Variants in RUNX1 observed in about 807,000 individuals in gnomAD.
RUNX1 encodes RUNX family transcription factor 1, also known as runt-related transcription factor 1.
In RUNX1, 19 loss-of-function variants were observed where a neutral mutation model predicts 42.8. The observed-to-expected ratio is 0.44, with a 90% CI of 0.31 to 0.65. RUNX1 has a LOEUF of 0.65. Among genes scored for constraint, RUNX1 ranks in the 30% least tolerant of loss-of-function variants. RUNX1 has a pLI of 0.07. For missense variants in RUNX1, 528 were observed against 672.0 expected, an observed-to-expected ratio of 0.79 and a Z score of 2.37; for synonymous variants, 271 against 289.4, an observed-to-expected ratio of 0.94 and a Z score of 0.64.
intron 7 of RUNX1, among the ~76,000 whole-genome samples, chr21:34,830,490 G>C (rs2057048097): frequency 6.6e-6 from 1 of 152,200 alleles, no homozygotes. Context: ...AGAATGCCAA[G>C]TGAGTGGATA....
intron 2 of RUNX1, among the ~76,000 whole-genome samples, chr21:34,941,516 G>T (rs1322988195): frequency 3.3e-5 from 5 of 152,176 alleles, no homozygotes; most frequent in Admixed American, 1.3e-4. Flanking sequence ...ACAAACATGG[G>T]ACCAAAGAAA....
intron 2 of RUNX1, among the ~76,000 whole-genome samples, chr21:34,937,495 A>G (rs2146618936): frequency 6.6e-6 from 1 of 152,250 alleles, no homozygotes; most frequent in South Asian, 2.1e-4. Flanking sequence ...ACTTAATAAT[A>G]AATTAAATAA....
chr21:34,829,734 T>A (rs1265199780), intron 7 of RUNX1: 1 of 152,236 alleles, frequency 6.6e-6, no homozygotes. Flanking sequence ...ACTTTCAAGG[T>A]AATCAAATAG....
At chr21:35,042,597 C>T (rs1054480462) in intron 2 of RUNX1, among the ~76,000 whole-genome samples, 27 of 152,220 alleles carry the variant, frequency 1.8e-4, no homozygotes, top group Non-Finnish European at 3.4e-4. Context: ...GGCTTCCCTT[C>T]CTGAATAAAA....
intron 2 of RUNX1, among the ~76,000 whole-genome samples, chr21:34,912,904 C>T (rs1477967903): frequency 6.6e-6 from 1 of 152,194 alleles, no homozygotes; most frequent in Non-Finnish European, 1.5e-5. Context: ...GGGGCCTTCA[C>T]CTGGTCTAGT....
At chr21:34,800,662 C>T (rs2056595506) in intron 7 of RUNX1, among the ~76,000 whole-genome samples, 1 of 152,170 alleles carries the variant, frequency 6.6e-6, no homozygotes, top group African/African-American at 2.4e-5. Context: ...TCAAGTTTGC[C>T]TTTCTGTTTA....
rs1262198638 is a variant in RUNX1, at chr21:35,047,549, A to ACTCTCT, written c.58+1292_58+1293insAGAGAG. Among the ~76,000 whole-genome samples, 430 of 107,272 alleles carry ACTCTCT rather than the reference A, an allele frequency of 4.0e-3. 5 individuals are homozygous for ACTCTCT. The highest frequency in any genetic ancestry group is 9.3e-3 in the East Asian group (32 of 3,458). The allele number at this position is 107,272 out of a possible 152,430, so 70.4% of individuals were successfully genotyped here. On this transcript the variant is annotated intron_variant, in intron 2 of 8. Transcript: ENST00000675419. ...CACACACACACACACACACACACACACACACACACACACTCTCTCTCTCTC... is the reference window on the plus strand; with the variant it reads ...CACACACACACACACACACACACACACTCTCTCACACACACACACTCTCTCTCTCTC...
chr21:34,886,017 CA>C (rs533638490), intron 4 of RUNX1, among the ~76,000 whole-genome samples: 128 of 152,306 alleles, frequency 8.4e-4, no homozygotes, highest in Non-Finnish European at 1.5e-3. Flanking sequence ...TGGGGATGAT[CA>C]GGGGTGAAAA....
intron 2 of RUNX1, among the ~76,000 whole-genome samples, chr21:34,929,045 C>A (rs1332163577): frequency 6.6e-6 from 1 of 151,904 alleles, no homozygotes; most frequent in Non-Finnish European, 1.5e-5. Flanking sequence ...CTGTAGAAAG[C>A]ATCTAGGCAT....
At chr21:34,988,755 G>A (rs985760231) in intron 2 of RUNX1, among the ~76,000 whole-genome samples, 6 of 152,238 alleles carry the variant, frequency 3.9e-5, no homozygotes, top group South Asian at 4.1e-4. Context: ...GGTCTCCTCC[G>A]GCACCCATAA....
At position 34,965,385 on chromosome 21, in the gene RUNX1, G is replaced by A. The variant is rs537184723; in HGVS notation, c.59-72422C>T. 3.4e-4 allele frequency among the ~76,000 whole-genome samples: 52 copies of A among 152,194 alleles called. 1 individual carries two copies. In the South Asian group the frequency reaches 9.8e-3, roughly 29 times the overall value. The stretch of plus-strand genomic sequence containing the variant: ...GTTTTTATGCAATCCTGATGATCTC[G>A]CAGCCTCGGGTTTAGTCTCTTTTTC... On this transcript the variant is annotated intron_variant, in intron 2 of 8. Coordinates refer to ENST00000675419, the MANE Select transcript of RUNX1 (RefSeq NM_001754.5).
intron 2 of RUNX1, among the ~76,000 whole-genome samples, chr21:34,931,317 A>ATT (rs1187039387): frequency 6.8e-6 from 1 of 146,820 alleles, no homozygotes; most frequent in East Asian, 2.0e-4. Context: ...ATCAACATGC[A>ATT]TTATATATAT....
chr21:34,921,822 T>C (rs1354421563), intron 2 of RUNX1, among the ~76,000 whole-genome samples: 1 of 151,910 alleles, frequency 6.6e-6, no homozygotes, highest in Non-Finnish European at 1.5e-5. Context: ...TTAGTGGAGA[T>C]GGAGTTTCAC....
intron 7 of RUNX1, among the ~76,000 whole-genome samples, chr21:34,827,566 CT>C (rs750717001): frequency 3.3e-5 from 5 of 152,206 alleles, no homozygotes; most frequent in African/African-American, 4.8e-5. Context: ...CAAGTTGCTC[CT>C]CCCATCATAG....
In RUNX1 at chr21:34,985,867, C is replaced by CT. The variant is rs33913281; in HGVS notation, c.58+62974dup. ...TGGTCTATCAACAACTCTGACCAGA[C>CT]TTTTTTTTTTTTTTTTTTTTTTTGA... On this transcript the variant is annotated intron_variant, in intron 2 of 8. Coordinates refer to ENST00000675419, the MANE Select transcript of RUNX1 (RefSeq NM_001754.5). Among the ~76,000 whole-genome samples, 185 of 75,400 alleles carry CT rather than the reference C, an allele frequency of 2.5e-3. 3 individuals carry two copies. Among genetic ancestry groups the CT allele is most frequent in the South Asian group, 3.6e-3 (7 of 1,930 alleles). 49.5% of individuals were successfully genotyped at this position (75,400 alleles called of 152,430 possible).
chr21:35,037,600 CTG>C (rs1310520951), intron 2 of RUNX1, among the ~76,000 whole-genome samples: 3 of 152,210 alleles, frequency 2.0e-5, no homozygotes, highest in Non-Finnish European at 4.4e-5. Context: ...GTGGGCTCTG[CTG>C]CAGGAACTGC....
intron 2 of RUNX1, among the ~76,000 whole-genome samples, chr21:35,012,231 T>C (rs996021214): frequency 1.3e-5 from 2 of 152,184 alleles, no homozygotes; most frequent in African/African-American, 4.8e-5. Flanking sequence ...ACAGGTTAGT[T>C]GTCCGTGATG....
intron 2 of RUNX1, among the ~76,000 whole-genome samples, chr21:34,964,355 G>A (rs1160933422): frequency 6.6e-6 from 1 of 152,050 alleles, no homozygotes; most frequent in African/African-American, 2.4e-5. Flanking sequence ...AGGCATGGTG[G>A]CACACGCCTG....
chr21:34,813,830 G>T (rs1480208366), intron 7 of RUNX1, among the ~76,000 whole-genome samples: 1 of 151,982 alleles, frequency 6.6e-6, no homozygotes, highest in East Asian at 1.9e-4. Flanking sequence ...CTCCGAGACA[G>T]CAGAGACAAC....
Sources: allele counts gnomAD v4.1 joint callset (sites outside exome capture counted in the v4.1 genomes callset), GRCh38; gene constraint gnomAD v4.1.1; transcripts MANE v1.5; gene names NCBI Gene and HGNC (gene_info 2026-07-23, HGNC 2026-07-21).